The following RARB variants were observed in gnomAD, a reference collection of about 807,000 sequenced individuals.
The protein encoded by RARB is HBV-activated protein.
Under a neutral mutation model 51.9 loss-of-function variants are expected in RARB, and 17 were observed. The observed-to-expected ratio is 0.33, with a 90% CI of 0.22 to 0.49. RARB has a LOEUF of 0.49. RARB is among the 20% of genes least tolerant of loss of function. The probability of loss-of-function intolerance (pLI) is 0.99; values close to 1 mark genes in which losing one functional copy is unlikely to be tolerated. For synonymous variants in RARB, 215 were observed against 195.4 expected, an observed-to-expected ratio of 1.10 and a Z score of -0.84; for missense variants, 369 against 550.8, an observed-to-expected ratio of 0.67 and a Z score of 3.30.
At chr3:25,217,207 A>C (rs559532181) in intron 5 of RARB, among the ~76,000 whole-genome samples, 14 of 152,312 alleles carry the variant, frequency 9.2e-5, no homozygotes, top group African/African-American at 3.4e-4. Flanking sequence ...CTGTTGGTAC[A>C]GTTTGTAGCA....
Position 25,048,752 on chromosome 3 carries a change from C to CTTTTTTTTTT in RARB, c.-379-11361_-379-11352dup, listed in dbSNP as rs34598308. Among the ~76,000 whole-genome samples, 2 of 108,408 alleles carry CTTTTTTTTTT rather than the reference C, an allele frequency of 1.8e-5. 1 individual carries two copies. The allele number at this position is 108,408 out of a possible 152,430, so 71.1% of individuals were successfully genotyped here. A position where few individuals can be genotyped will look rare whatever the true frequency, so the allele number is the denominator to read the frequency against. The stretch of plus-strand genomic sequence containing the variant: ...TCTGCAGAGAAAGAAATTAAGCCCA[C>CTTTTTTTTTT]TTTTTTTTTTTTTTTTTTTTTGAGA... On this transcript the variant is annotated intron_variant, in intron 2 of 11. Transcript: ENST00000383772.
At chr3:25,542,409 A>G (rs1699422363) in intron 3 of RARB, among the ~76,000 whole-genome samples, 1 of 152,248 alleles carries the variant, frequency 6.6e-6, no homozygotes, top group African/African-American at 2.4e-5. Flanking sequence ...CCAATGGGGT[A>G]GAGGTAATTT....
intron 2 of RARB, among the ~76,000 whole-genome samples, chr3:24,972,576 T>C (rs1264513251): frequency 2.6e-5 from 4 of 152,146 alleles, no homozygotes; most frequent in African/African-American, 7.2e-5. Flanking sequence ...CAGTTTTCTA[T>C]AGTGGCTACA....
chr3:24,972,082 C>G (rs927198574), intron 2 of RARB, among the ~76,000 whole-genome samples: 4 of 151,910 alleles, frequency 2.6e-5, no homozygotes, highest in Admixed American at 6.6e-5. Flanking sequence ...CTATTGAACA[C>G]CAGGTGTCCT....
At chr3:25,039,149 C>A (rs557685793) in intron 2 of RARB, among the ~76,000 whole-genome samples, 29 of 152,278 alleles carry the variant, frequency 1.9e-4, no homozygotes, top group African/African-American at 6.5e-4. Context: ...TAAAGCTGTG[C>A]TAATGTGATC....
At chr3:24,903,617 T>A (rs1280681734) in intron 2 of RARB, among the ~76,000 whole-genome samples, 2 of 152,256 alleles carry the variant, frequency 1.3e-5, no homozygotes, top group East Asian at 3.9e-4. Flanking sequence ...AACAACACAT[T>A]CAGACTTTTA....
chr3:25,470,653 A>G (rs867776405), intron 2 of RARB, among the ~76,000 whole-genome samples: 1 of 152,248 alleles, frequency 6.6e-6, no homozygotes, highest in Non-Finnish European at 1.5e-5. Context: ...ATAACCCTAT[A>G]TAAACAACTA....
intron 3 of RARB, among the ~76,000 whole-genome samples, chr3:25,096,714 C>T (rs548653354): frequency 1.3e-3 from 198 of 152,202 alleles, no homozygotes; most frequent in African/African-American, 4.6e-3. Context: ...GTGTGTTTCA[C>T]CTCCTAGTAT....
intron 1 of RARB, among the ~76,000 whole-genome samples, chr3:25,449,998 C>G (rs574932658): frequency 7.9e-5 from 12 of 152,200 alleles, no homozygotes; most frequent in African/African-American, 2.9e-4. Context: ...GTGATCCACC[C>G]GCCACAACCT....
At chr3:25,102,939 T>C (rs1699432098) in intron 3 of RARB, among the ~76,000 whole-genome samples, 1 of 152,126 alleles carries the variant, frequency 6.6e-6, no homozygotes, top group African/African-American at 2.4e-5. Context: ...TAATCCCAGC[T>C]ACTTGGGTAG....
intron 5 of RARB, among the ~76,000 whole-genome samples, chr3:25,314,069 T>C (rs1480639216): frequency 6.6e-6 from 1 of 151,630 alleles, no homozygotes; most frequent in Non-Finnish European, 1.5e-5. Flanking sequence ...AGACTCTGTC[T>C]CAACAACAAA....
chr3:25,040,536 C>A (rs1454053611), intron 2 of RARB, among the ~76,000 whole-genome samples: 1 of 152,132 alleles, frequency 6.6e-6, no homozygotes, highest in Non-Finnish European at 1.5e-5. Context: ...AGTTCGAGAC[C>A]AGCCTGGCCA....
At chr3:25,232,054 CT>C (rs1313478086) in intron 5 of RARB, among the ~76,000 whole-genome samples, 5 of 151,808 alleles carry the variant, frequency 3.3e-5, no homozygotes, top group Non-Finnish European at 7.4e-5. Context: ...GTTTGAGATT[CT>C]TTATTTGCAT....
At chr3:24,849,620 C>G (rs1702530172) in intron 1 of RARB, among the ~76,000 whole-genome samples, 1 of 152,230 alleles carries the variant, frequency 6.6e-6, no homozygotes, top group Non-Finnish European at 1.5e-5. Context: ...GACTGTAACT[C>G]ACACCTGAGA....
intron 5 of RARB, among the ~76,000 whole-genome samples, chr3:25,395,217 T>TAAAAATAGGACCCC (rs988073537): frequency 2.6e-5 from 4 of 152,188 alleles, no homozygotes; most frequent in African/African-American, 9.6e-5. Context: ...TTAAGGACGC[T>TAAAAATAGGACCCC]AAAAATAGGA....
intron 4 of RARB, among the ~76,000 whole-genome samples, chr3:25,161,167 C>T (rs1700466899): frequency 6.8e-6 from 1 of 146,022 alleles, no homozygotes; most frequent in Admixed American, 7.1e-5. Flanking sequence ...CACCCACCAC[C>T]ATGCCCAGCT....
rs145403156 is a variant in RARB at position 25,461,314 on chromosome 3, T to C, written c.279T>C (p.Tyr93=). 2.5e-5 allele frequency: 40 copies of C among 1,613,628 alleles called. No homozygotes were observed. Among genetic ancestry groups the C allele is most frequent in the Non-Finnish European group, 3.0e-5 (35 of 1,179,920 alleles). ...AGGACAAATCATCAGGGTACCACTA[T>C]GGGGTCAGCGCCTGTGAGGGATGTA... ...VCQDKSSGYH[Y]GVSACEGCKG... Residue 93 remains tyrosine (Y), a synonymous_variant, in exon 2 of 8, where the codon TAT becomes TAC. Coordinates refer to ENST00000330688, the MANE Select transcript of RARB (RefSeq NM_000965.5).
intron 5 of RARB, among the ~76,000 whole-genome samples, chr3:25,241,099 T>G (rs1429158616): frequency 1.3e-5 from 2 of 152,198 alleles, no homozygotes; most frequent in Non-Finnish European, 2.9e-5. Flanking sequence ...CCCTGGGTTT[T>G]CCAGTTTATT....
At chr3:24,877,647 G>C (rs1477709371) in intron 2 of RARB, among the ~76,000 whole-genome samples, 1 of 152,028 alleles carries the variant, frequency 6.6e-6, no homozygotes, top group African/African-American at 2.4e-5. Context: ...TGCTGAAGAG[G>C]GAGACCTCCA....
Sources: gnomAD v4.1 joint callset for allele counts (sites outside exome capture counted in the v4.1 genomes callset) on GRCh38, gnomAD v4.1.1 for gene constraint, MANE v1.5 for transcripts, NCBI Gene and HGNC (gene_info 2026-07-23, HGNC 2026-07-21) for gene names.